GPR176: variants seen among roughly 807,000 people sequenced by gnomAD.
GPR176 encodes G-protein coupled receptor 176.
In GPR176, 26 loss-of-function variants were observed where a neutral mutation model predicts 35.4. That is an observed-to-expected ratio of 0.74 (90% CI 0.54 to 1.02). The LOEUF is 1.02. Among genes scored for constraint, GPR176 ranks in the 50% least tolerant of loss-of-function variants. GPR176 has a pLI of 0.00. For missense variants in GPR176, 597 were observed against 665.3 expected, an observed-to-expected ratio of 0.90 and a Z score of 1.13; for synonymous variants, 278 against 271.3, an observed-to-expected ratio of 1.02 and a Z score of -0.24.
chr15:39,920,061 G>A lies in GPR176; in HGVS notation c.-35C>T. The A allele has an allele frequency of 4.7e-6, 6 of 1,272,294 alleles. No individual in the cohort carries two copies. Among genetic ancestry groups the A allele is most frequent in the Non-Finnish European group, 4.0e-6 (4 of 1,000,258 alleles). The allele number at this position is 1,272,294 out of a possible 1,614,324, so 78.8% of individuals were successfully genotyped here. On this transcript the variant is annotated 5_prime_UTR_variant, in exon 1 of 3. Transcript: ENST00000561100. ...GGGACTCCGGCTCCGCGCGCCGCCC[G>A]CCTCGGAGCCCCGCGCGGAGCCTCT...
At chr15:39,903,457 T>C (rs140426950) in intron 1 of GPR176, among the ~76,000 whole-genome samples, 1 of 152,270 alleles carries the variant, frequency 6.6e-6, no homozygotes, top group East Asian at 1.9e-4. Context: ...CCATATATTA[T>C]TATGTCATGG....
chr15:39,873,723 C>T (rs2032138342), intron 1 of GPR176, among the ~76,000 whole-genome samples: 2 of 151,462 alleles, frequency 1.3e-5, no homozygotes, highest in Admixed American at 1.3e-4. Context: ...TGACACTTAT[C>T]TATGGGCACC....
chr15:39,806,922 T>C (rs1899227076), intron 2 of GPR176, 84 bp downstream of exon 2: 8 of 1,245,618 alleles, frequency 6.4e-6, no homozygotes, highest in East Asian at 2.3e-5. Context: ...ATACGGAACA[T>C]TGACTACTCA....
At chr15:39,805,511 T>G (rs983900969) in intron 2 of GPR176, among the ~76,000 whole-genome samples, 1 of 152,128 alleles carries the variant, frequency 6.6e-6, no homozygotes, top group Non-Finnish European at 1.5e-5. Context: ...CGAGTCTAGA[T>G]TCCTACAAAG....
rs748668134 is a variant in GPR176, at chr15:39,802,244, C to T, written c.436G>A (p.Val146Ile). The part of the protein sequence containing the change: ...PAIALDRYYS[V>I]LYPLERKISD... ...ATTTTCCTCTCCAGTGGATAGAGGA[C>T]TGAGTAGTACCTGCAAGATACACAA... The change falls in exon 3 of 3, where the codon GTC becomes ATC. Residue 146 changes from valine to isoleucine, a missense_variant. This residue lies in a region of GPR176 where 220 missense variants were observed against 297.6 expected (regional missense o/e 0.74). Coordinates refer to ENST00000561100, the MANE Select transcript of GPR176 (RefSeq NM_007223.3). The T allele has an allele frequency of 6.3e-7, 1 of 1,595,548 alleles. No homozygotes were observed. The highest frequency in any genetic ancestry group is 1.1e-5 in the South Asian group (1 of 89,188).
rs773437759 is a variant in GPR176, at chr15:39,822,452, T to C, written c.173-15194A>G. 9.3e-4 allele frequency among the ~76,000 whole-genome samples: 142 copies of C among 152,282 alleles called. 2 individuals are homozygous for C. The highest frequency in any genetic ancestry group is 3.3e-4 in the Admixed American group (5 of 15,292). On this transcript the variant is annotated intron_variant, in intron 1 of 2. Coordinates refer to ENST00000561100, the MANE Select transcript of GPR176 (RefSeq NM_007223.3). ...CATTACAGGTGTTAAATAACTATAA[T>C]ATCACAAAGCATTATTATTTGTGAG... is the stretch of plus-strand genomic sequence containing the variant.
At chr15:39,862,352 T>C (rs2031634406) in intron 1 of GPR176, 1 of 152,212 alleles carries the variant, frequency 6.6e-6, no homozygotes, top group Non-Finnish European at 1.5e-5. Context: ...GATGATAGTC[T>C]CCCCATCAGG....
chr15:39,914,772 T>C (rs188615590), intron 1 of GPR176, among the ~76,000 whole-genome samples: 9 of 152,312 alleles, frequency 5.9e-5, no homozygotes, highest in African/African-American at 2.2e-4. Context: ...CAAACTAGTA[T>C]TATAGTATTA....
At chr15:39,881,530 T>A (rs1045642273) in intron 1 of GPR176, among the ~76,000 whole-genome samples, 1 of 152,186 alleles carries the variant, frequency 6.6e-6, no homozygotes, top group Non-Finnish European at 1.5e-5. Flanking sequence ...CTGATTAGGA[T>A]TTTTCACAGC....
At position 39,817,122 on chromosome 15, in the gene GPR176, G is replaced by A. The variant is rs151096849; in HGVS notation, c.173-9864C>T. On this transcript the variant is annotated intron_variant, in intron 1 of 2. Coordinates refer to ENST00000561100, the MANE Select transcript of GPR176 (RefSeq NM_007223.3). The stretch of plus-strand genomic sequence containing the variant: ...TTAATCAATCCAAGACATGTTCCCA[G>A]TAGGTAGCCAGCAAGCGCCCTTGTG... Among the ~76,000 whole-genome samples, 413 of 142,548 alleles carry A rather than the reference G, an allele frequency of 2.9e-3. 2 individuals are homozygous for A. Among genetic ancestry groups the A allele is most frequent in the African/African-American group, 0.01 (391 of 37,916 alleles). 93.5% of individuals were successfully genotyped at this position (142,548 alleles called of 152,430 possible).
chr15:39,908,889 T>G (rs968974697), intron 1 of GPR176, among the ~76,000 whole-genome samples: 1 of 152,198 alleles, frequency 6.6e-6, no homozygotes, highest in Non-Finnish European at 1.5e-5. Context: ...AATAGGATAC[T>G]GGGATCAGTA....
At chr15:39,891,274 A>G (rs1455043997) in intron 1 of GPR176, among the ~76,000 whole-genome samples, 2 of 152,244 alleles carry the variant, frequency 1.3e-5, no homozygotes, top group Non-Finnish European at 2.9e-5. Flanking sequence ...AGTCAAAATC[A>G]AAGTATATGA....
chr15:39,830,059 G>A (rs767661210), intron 1 of GPR176, among the ~76,000 whole-genome samples: 1 of 151,806 alleles, frequency 6.6e-6, no homozygotes, highest in Non-Finnish European at 1.5e-5. Flanking sequence ...TCAAATCACC[G>A]TGTGTATTCT....
At chr15:39,855,688 T>C (rs2031170358) in intron 1 of GPR176, among the ~76,000 whole-genome samples, 1 of 152,236 alleles carries the variant, frequency 6.6e-6, no homozygotes, top group African/African-American at 2.4e-5. Context: ...AGTAACTCAG[T>C]TGAGTTATGT....
At chr15:39,830,989 A>T (rs1254663543) in intron 1 of GPR176, among the ~76,000 whole-genome samples, 2 of 152,190 alleles carry the variant, frequency 1.3e-5, no homozygotes, top group African/African-American at 4.8e-5. Context: ...GCACTTCAAG[A>T]TCAAAGAGCA....
chr15:39,813,085 A>G (rs1899676959), intron 1 of GPR176: 2 of 152,158 alleles, frequency 1.3e-5, no homozygotes, highest in African/African-American at 4.8e-5. Context: ...TTTAATTGGT[A>G]TATTTAGAAT....
chr15:39,884,997 T>C (rs535744024), intron 1 of GPR176, among the ~76,000 whole-genome samples: 8 of 152,282 alleles, frequency 5.3e-5, no homozygotes, highest in African/African-American at 1.9e-4. Flanking sequence ...TTTGCTAAGT[T>C]CTACAAGTCA....
Position 39,801,045 on chromosome 15 carries a change from G to T in GPR176, c.*87C>A. 1.8e-6 allele frequency: 2 copies of T among 1,137,676 alleles called. No homozygotes were observed. Among genetic ancestry groups the T allele is most frequent in the Non-Finnish European group, 2.5e-6 (2 of 788,786 alleles). The allele number at this position is 1,137,676 out of a possible 1,614,324, so 70.5% of individuals were successfully genotyped here. On this transcript the variant is annotated 3_prime_UTR_variant, in exon 3 of 3. Coordinates refer to ENST00000561100, the MANE Select transcript of GPR176 (RefSeq NM_007223.3). ...ATCAACTCACACTGAGTTGCAAGGA[G>T]ATCATACAATCACATGGCCACAGCA...
Position 39,812,580 on chromosome 15 carries a change from C to T in GPR176, c.173-5322G>A, listed in dbSNP as rs532253932. Reference sequence around the variant, plus strand: ...TTTGGGACTTGAACTGGCTTCCTGGCTCCTCAGCTTGCAGACGGCCTACTG... The same window carrying T: ...TTTGGGACTTGAACTGGCTTCCTGGTTCCTCAGCTTGCAGACGGCCTACTG... On this transcript the variant is annotated intron_variant, in intron 1 of 2. Transcript: ENST00000561100. 1.1e-4 allele frequency among the ~76,000 whole-genome samples: 17 copies of T among 152,214 alleles called. No individual in the cohort carries two copies. The South Asian group carries it at 3.1e-3, about 28-fold the overall frequency.
Sources: gnomAD v4.1 joint callset for allele counts (sites outside exome capture counted in the v4.1 genomes callset) on GRCh38, gnomAD v4.1.1 for gene constraint, gnomAD v4.1.1 regional missense constraint, MANE v1.5 for transcripts, NCBI Gene and HGNC (gene_info 2026-07-23, HGNC 2026-07-21) for gene names.